The following SLC17A5 variants were observed in gnomAD, a reference collection of about 807,000 sequenced individuals.
SLC17A5 encodes the protein solute carrier family 17 member 5, also known as sialin.
In SLC17A5, 47 loss-of-function variants were observed where a neutral mutation model predicts 59.4. The ratio of observed to expected loss-of-function variants is 0.79; its 90% CI spans 0.63 to 1.01. SLC17A5 has a LOEUF of 1.01. Ranked by LOEUF, SLC17A5 falls within the 50% of genes least tolerant of loss-of-function variation. SLC17A5 has a pLI of 0.00. For synonymous variants in SLC17A5, 202 were observed against 210.7 expected, an observed-to-expected ratio of 0.96 and a Z score of 0.36; for missense variants, 522 against 595.5, an observed-to-expected ratio of 0.88 and a Z score of 1.28.
intron 8 of SLC17A5, among the ~76,000 whole-genome samples, chr6:73,614,273 AAAATAAGAAAAG>A (rs1269776744): frequency 6.6e-6 from 1 of 152,050 alleles, no homozygotes; most frequent in African/African-American, 2.4e-5. Context: ...CTCAAGAAAA[AAAATAAGAAAAG>A]AAATATGGCC....
chr6:73,629,223 A>G (rs940350580), intron 6 of SLC17A5, among the ~76,000 whole-genome samples: 2 of 152,004 alleles, frequency 1.3e-5, no homozygotes, highest in African/African-American at 4.8e-5. Context: ...CCCTGTCTCT[A>G]CAAAAAATAC....
At chr6:73,649,231 C>G (rs1362536069) in intron 1 of SLC17A5, among the ~76,000 whole-genome samples, 2 of 152,224 alleles carry the variant, frequency 1.3e-5, no homozygotes. Context: ...CTCCTGACCT[C>G]AGGCAATCCG....
intron 9 of SLC17A5, among the ~76,000 whole-genome samples, chr6:73,602,414 G>C: frequency 6.8e-6 from 1 of 147,966 alleles, no homozygotes; most frequent in Non-Finnish European, 1.5e-5. Context: ...CCCTCTGTGA[G>C]AAACACCCAA....
intron 4 of SLC17A5, 41 bp downstream of exon 4, chr6:73,638,371 A>T: frequency 6.9e-7 from 1 of 1,444,436 alleles, no homozygotes; most frequent in Admixed American, 1.7e-5. Context: ...GTTGATATAT[A>T]CATAACATAT....
At chr6:73,617,769 G>A (rs563800277) in intron 7 of SLC17A5, among the ~76,000 whole-genome samples, 1 of 152,352 alleles carries the variant, frequency 6.6e-6, no homozygotes, top group South Asian at 2.1e-4. Context: ...GAACCTGAGA[G>A]GCGGAGGTTG....
chr6:73,635,498 T>A lies in SLC17A5; in HGVS notation c.703A>T (p.Thr235Ser), dbSNP rs747385791. The change falls in exon 6 of 11, where the codon ACT becomes TCT. Residue 235 changes from threonine to serine, a missense_variant and splice_region_variant. Transcript: ENST00000355773. ...NWTYVFYFFG[T>S]IGIFWFLLWI... is the part of the protein sequence containing the mutation. ...AAAAGAAACCAAAATATTCCAATAGTACCTTAAAATAGAAAAATAATAGTT... is the reference window on the plus strand; with the variant it reads ...AAAAGAAACCAAAATATTCCAATAGAACCTTAAAATAGAAAAATAATAGTT... The A allele has an allele frequency of 1.2e-5, 17 of 1,446,598 alleles. No individual in the cohort carries two copies. In the African/African-American group the frequency reaches 2.4e-4, roughly 20 times the overall value. The allele number at this position is 1,446,598 out of a possible 1,614,324, so 89.6% of individuals were successfully genotyped here.
At chr6:73,617,029 G>A (rs1236393574) in intron 7 of SLC17A5, among the ~76,000 whole-genome samples, 3 of 151,478 alleles carry the variant, frequency 2.0e-5, no homozygotes, top group African/African-American at 7.3e-5. Flanking sequence ...AGTGGCTCAT[G>A]CCTGTAATCC....
chr6:73,622,630 C>T (rs1177314486), intron 6 of SLC17A5, among the ~76,000 whole-genome samples: 1 of 152,102 alleles, frequency 6.6e-6, no homozygotes, highest in Non-Finnish European at 1.5e-5. Context: ...CGGTCAGATT[C>T]AGAGGTTGAC....
chr6:73,641,124 G>C (rs1208662426), intron 3 of SLC17A5, among the ~76,000 whole-genome samples: 1 of 152,116 alleles, frequency 6.6e-6, no homozygotes. Context: ...CTGTCGTCCA[G>C]GCTGGAGTGC....
At chr6:73,627,787 C>G (rs1316810264) in intron 6 of SLC17A5, among the ~76,000 whole-genome samples, 1 of 151,988 alleles carries the variant, frequency 6.6e-6, no homozygotes, top group African/African-American at 2.4e-5. Flanking sequence ...TGCTACCACA[C>G]CCGGCTAATT....
intron 9 of SLC17A5, among the ~76,000 whole-genome samples, 192 bp from the exon 10 acceptor site, chr6:73,600,633 C>T (rs919200883): frequency 2.6e-5 from 4 of 151,470 alleles, no homozygotes; most frequent in African/African-American, 9.7e-5. Context: ...TCCTGAGTAG[C>T]GGGGACTACA....
At chr6:73,649,735 A>G (rs597115) in intron 1 of SLC17A5, among the ~76,000 whole-genome samples, 149,990 of 152,344 alleles carry the variant, frequency 0.98, 73,854 homozygotes, top group Middle Eastern at 1. Context: ...TTGGCACAGA[A>G]TAACTGTGAA....
intron 2 of SLC17A5, among the ~76,000 whole-genome samples, chr6:73,643,970 G>C (rs563542906): frequency 5.3e-4 from 80 of 152,170 alleles, no homozygotes; most frequent in Non-Finnish European, 1.1e-3. Flanking sequence ...ATTCAGAAAA[G>C]AATGTCCTAA....
At chr6:73,604,930 A>G (rs1475319974) in intron 9 of SLC17A5, among the ~76,000 whole-genome samples, 1 of 152,226 alleles carries the variant, frequency 6.6e-6, no homozygotes, top group Non-Finnish European at 1.5e-5. Context: ...TAAGGGTTTT[A>G]TATATCATAT....
rs756118506 is a variant in SLC17A5 at position 73,621,892 on chromosome 6, G to A, written c.890C>T (p.Ala297Val). The A allele has an allele frequency of 6.2e-7, 1 of 1,613,626 alleles. No individual in the cohort carries two copies. Among genetic ancestry groups the A allele is most frequent in the Non-Finnish European group, 8.5e-7 (1 of 1,179,588 alleles). The change falls in exon 7 of 11, where the codon GCA becomes GTA. Residue 297 changes from alanine (A) to valine (V), a missense_variant. Ala to Val is a moderately conservative substitution (Grantham distance 64). This residue lies in a region of SLC17A5 where 338 missense variants were observed against 363.8 expected (regional missense o/e 0.93). Coordinates refer to ENST00000355773, the MANE Select transcript of SLC17A5 (RefSeq NM_012434.5). Reference protein sequence around the residue: ...KSLPLWAIVVAHFSYNWTFYT... With the variant: ...KSLPLWAIVVVHFSYNWTFYT... The stretch of plus-strand genomic sequence containing the variant: ...AAAAGTCCAGTTGTAAGAAAAGTGT[G>A]CAACTACGATAGCCCAAAGTGGCAG...
rs377101723 is a variant in SLC17A5 at position 73,641,697 on chromosome 6, T to C, written c.519A>G (p.Leu173=). 1.9e-6 allele frequency: 3 copies of C among 1,608,986 alleles called. No individual in the cohort carries two copies. The highest frequency in any genetic ancestry group is 2.6e-6 in the Non-Finnish European group (3 of 1,175,746). The stretch of plus-strand genomic sequence containing the variant: ...AGAGAGAAAAGAAAATTACCTCTCC[T>C]AGTCCTTCTAGTGCTCTGAGTACAA... The part of the protein sequence containing the change: ...PLIVLRALEG[L]GEGVTFPAMH... Residue 173 remains leucine, a synonymous_variant, in exon 3 of 11, where the codon CTA becomes CTG. Transcript: ENST00000355773.
chr6:73,645,617 T>C (rs923744358), intron 1 of SLC17A5: 11 of 384,428 alleles, frequency 2.9e-5, no homozygotes, highest in African/African-American at 2.4e-4. Context: ...TGAAACCCCG[T>C]CTCTACTAAA....
chr6:73,641,774 C>G lies in SLC17A5; in HGVS notation c.442G>C (p.Val148Leu). 2 of 1,614,154 alleles carry G rather than the reference C, an allele frequency of 1.2e-6. No homozygotes were observed. The highest frequency in any genetic ancestry group is 2.7e-5 in the African/African-American group (2 of 75,034). The change falls in exon 3 of 11, where the codon GTC becomes CTC. Residue 148 changes from valine to leucine, a missense_variant. Transcript: ENST00000355773. Reference protein sequence around the residue: ...LLGFGILGTAVLTLFTPIAAD... With the variant: ...LLGFGILGTALLTLFTPIAAD... ...GCAATGGGAGTGAACAGGGTGAGGA[C>G]AGCAGTGCCAAGGATCCCAAATCCT...
chr6:73,619,882 A>C (rs1305367179), intron 7 of SLC17A5, among the ~76,000 whole-genome samples: 1 of 151,726 alleles, frequency 6.6e-6, no homozygotes, highest in Non-Finnish European at 1.5e-5. Context: ...ATACTTTATA[A>C]GTAAAATAAG....
Sources: gnomAD v4.1 joint callset for allele counts (sites outside exome capture counted in the v4.1 genomes callset) on GRCh38, gnomAD v4.1.1 for gene constraint, gnomAD v4.1.1 regional missense constraint, MANE v1.5 for transcripts, NCBI Gene and HGNC (gene_info 2026-07-23, HGNC 2026-07-21) for gene names.